Variants in RIOK1 observed in about 807,000 individuals in gnomAD.
RIOK1 encodes the protein RIO kinase 1.
In RIOK1, 66 loss-of-function variants were observed where a neutral mutation model predicts 73.5. The observed-to-expected ratio is 0.90, with a 90% confidence interval of 0.74 to 1.10. The LOEUF (loss-of-function observed/expected upper bound fraction) is 1.10, where lower values mean the gene tolerates loss of function less well. RIOK1 is among the 50% of genes least tolerant of loss of function. RIOK1 has a pLI of 0.00. For missense variants in RIOK1, 658 were observed against 699.8 expected (o/e 0.94, Z 0.67); for synonymous variants, 224 against 226.8 (o/e 0.99, Z 0.11).
intron 12 of RIOK1, among the ~76,000 whole-genome samples, chr6:7,407,409 GTTT>G (rs1266991297): frequency 6.6e-6 from 1 of 151,720 alleles, no homozygotes; most frequent in Non-Finnish European, 1.5e-5. Flanking sequence ...TTTGGTTTGT[GTTT>G]CCCTGATTAC....
Position 7,396,740 on chromosome 6 carries a change from C to A in RIOK1, c.405C>A (p.Val135=). The part of the protein sequence containing the change: ...LNVTDSVINK[V]TEKSRQKEAD... ...TTACTGATTCCGTCATAAATAAAGTCACCGAAAAGTCTAGACAAAAGGAAG... is the reference window on the plus strand; with the variant it reads ...TTACTGATTCCGTCATAAATAAAGTAACCGAAAAGTCTAGACAAAAGGAAG... Residue 135 remains valine (V), a synonymous_variant, in exon 4 of 17, where the codon GTC becomes GTA. Coordinates refer to ENST00000379834, the MANE Select transcript of RIOK1 (RefSeq NM_031480.3). The A allele has an allele frequency of 6.2e-7, 1 of 1,600,660 alleles. No individual in the cohort carries two copies. Among genetic ancestry groups the A allele is most frequent in the South Asian group, 1.1e-5 (1 of 90,032 alleles).
chr6:7,391,622 T>C lies in RIOK1; in HGVS notation c.72-1477T>C, dbSNP rs376238556. 8.7e-4 allele frequency among the ~76,000 whole-genome samples: 133 copies of C among 152,334 alleles called. 4 individuals carry two copies. In the South Asian group the frequency reaches 0.02, roughly 23 times the overall value. On this transcript the variant is annotated intron_variant, in intron 1 of 16. Coordinates refer to ENST00000379834, the MANE Select transcript of RIOK1 (RefSeq NM_031480.3). ...GTAAGGATACACCAGTGATTTTCCA[T>C]TGGGGAAGATGTTGCCATCCCGACT...
At chr6:7,398,340 T>C (rs1420064831) in intron 4 of RIOK1, among the ~76,000 whole-genome samples, 1 of 152,102 alleles carries the variant, frequency 6.6e-6, no homozygotes, top group Non-Finnish European at 1.5e-5. Flanking sequence ...AAGACTTTAA[T>C]TGTGTGCTAA....
intron 12 of RIOK1, among the ~76,000 whole-genome samples, chr6:7,407,776 G>A (rs760051762): frequency 6.6e-6 from 1 of 151,986 alleles, no homozygotes; most frequent in South Asian, 2.1e-4. Context: ...TTGCAGGCAT[G>A]AGCCACAGTG....
At chr6:7,395,834 C>CA (rs576258775) in intron 3 of RIOK1, among the ~76,000 whole-genome samples, 11 of 151,984 alleles carry the variant, frequency 7.2e-5, no homozygotes, top group Non-Finnish European at 1.3e-4. Context: ...CTTAGCCTCC[C>CA]AAGTAGCTAG....
intron 1 of RIOK1, 26 bp from the exon 2 acceptor site, chr6:7,393,072 GA>G (rs1251848710): frequency 6.3e-7 from 1 of 1,593,056 alleles, no homozygotes; most frequent in African/African-American, 1.3e-5. Flanking sequence ...ATATTGTTAT[GA>G]AATAATAAAA....
Position 7,417,479 on chromosome 6 carries a change from TC to T in RIOK1, c.*40del. ...ATTATGTACAGTCATTTTCCTCAGT[TC>T]CTTTTCTCGCCTGAACTCTTAAGCT... is the stretch of plus-strand genomic sequence containing the variant. On this transcript the variant is annotated 3_prime_UTR_variant, in exon 17 of 17. Coordinates refer to ENST00000379834, the MANE Select transcript of RIOK1 (RefSeq NM_031480.3). The T allele has an allele frequency of 2.3e-6, 3 of 1,316,594 alleles. No homozygotes were observed. The highest frequency in any genetic ancestry group is 3.1e-6 in the Non-Finnish European group (3 of 958,752). The allele number at this position is 1,316,594 out of a possible 1,614,324, so 81.6% of individuals were successfully genotyped here.
chr6:7,402,954 C>T, intron 8 of RIOK1, 57 bp downstream of exon 8: 1 of 1,494,140 alleles, frequency 6.7e-7, no homozygotes, highest in Non-Finnish European at 9.2e-7. Flanking sequence ...AACATCAGCC[C>T]TTCCTCCCAG....
At chr6:7,409,810 A>G (rs1247110405) in intron 12 of RIOK1, among the ~76,000 whole-genome samples, 1 of 151,968 alleles carries the variant, frequency 6.6e-6, no homozygotes, top group Admixed American at 6.6e-5. Flanking sequence ...AAAAAAAAAA[A>G]AAAAACCTCT....
chr6:7,394,001 A>T (rs1049174623), intron 2 of RIOK1, among the ~76,000 whole-genome samples: 1 of 152,250 alleles, frequency 6.6e-6, no homozygotes, highest in African/African-American at 2.4e-5. Flanking sequence ...ATGTACAAAA[A>T]AAAGTTACCA....
At chr6:7,399,619 T>A (rs937027080) in intron 5 of RIOK1, among the ~76,000 whole-genome samples, 1 of 152,098 alleles carries the variant, frequency 6.6e-6, no homozygotes, top group Admixed American at 6.6e-5. Flanking sequence ...GTGTGTAAAT[T>A]TATCATTTCT....
At chr6:7,391,495 AG>A (rs1253842839) in intron 1 of RIOK1, among the ~76,000 whole-genome samples, 27 of 152,208 alleles carry the variant, frequency 1.8e-4, no homozygotes, top group African/African-American at 5.8e-4. Flanking sequence ...GTGTACAAAA[AG>A]CTTTAGAGAA....
intron 15 of RIOK1, 100 bp from the exon 16 acceptor site, chr6:7,414,138 C>A: frequency 9.5e-7 from 1 of 1,048,798 alleles, no homozygotes; most frequent in Non-Finnish European, 1.4e-6. Flanking sequence ...CATATATTTG[C>A]GAGCCTAAAA....
Position 7,402,904 on chromosome 6 carries a change from G to C in RIOK1, c.767+7G>C, listed in dbSNP as rs1447297958. On this transcript the variant is annotated splice_region_variant and intron_variant, in intron 8 of 16. Coordinates refer to ENST00000379834, the MANE Select transcript of RIOK1 (RefSeq NM_031480.3). ...AAATGAGGAACTTAATCAGGTGACT[G>C]TCTGGGATGTGTGTATGTCTGTCCT... 1 of 1,611,940 alleles carries C rather than the reference G, an allele frequency of 6.2e-7. No homozygotes were observed. Among genetic ancestry groups the C allele is most frequent in the African/African-American group, 1.3e-5 (1 of 74,862 alleles).
At position 7,414,307 on chromosome 6, in the gene RIOK1, G is replaced by C. The variant is rs752260111; in HGVS notation, c.1513G>C (p.Glu505Gln). 6.2e-7 allele frequency: 1 copy of C among 1,613,866 alleles called. No homozygotes were observed. The highest frequency in any genetic ancestry group is 2.2e-5 in the East Asian group (1 of 44,892). ...TGATTCAGAAGATATTGGAAGCTCT[G>C]AGTGCTCTGACACAGACTCTGAAGA... ...CSDSEDIGSS[E>Q]CSDTDSEEQG... Residue 505 changes from glutamate to glutamine, a missense_variant, in exon 16 of 17, where the codon GAG (glutamate) becomes CAG (glutamine). By Grantham distance (29) the Glu-to-Gln change is conservative. Coordinates refer to ENST00000379834, the MANE Select transcript of RIOK1 (RefSeq NM_031480.3).
intron 2 of RIOK1, among the ~76,000 whole-genome samples, chr6:7,393,752 G>A (rs1214488376): frequency 6.6e-6 from 1 of 152,204 alleles, no homozygotes; most frequent in Non-Finnish European, 1.5e-5. Flanking sequence ...GCTGGTATGT[G>A]ATAAAAACTT....
chr6:7,404,357 G>A lies in RIOK1; in HGVS notation c.855-61G>A, dbSNP rs528739719. 1.3e-4 allele frequency: 203 copies of A among 1,584,802 alleles called. 2 individuals carry two copies. The South Asian group carries it at 2.1e-3, about 16-fold the overall frequency. ...TTGTAGAAGAGAAGGGCATGTAACA[G>A]TATAGTAAGAAGCAAGAAAACTTGT... On this transcript the variant is annotated intron_variant, in intron 9 of 16. Coordinates refer to ENST00000379834, the MANE Select transcript of RIOK1 (RefSeq NM_031480.3).
Position 7,392,839 on chromosome 6 carries a change from C to G in RIOK1, c.72-260C>G. ...ATAACAATATAATTTCTAACTTTAA[C>G]AAGGCAGAAGCAGATTTAACTTGAT... On this transcript the variant is annotated intron_variant, in intron 1 of 16. Transcript: ENST00000379834. 5 of 743,754 alleles carry G rather than the reference C, an allele frequency of 6.7e-6. No homozygotes were observed. The South Asian group carries it at 2.4e-4, about 36-fold the overall frequency. 46.1% of individuals were successfully genotyped at this position (743,754 alleles called of 1,614,324 possible). A position where few individuals can be genotyped will look rare whatever the true frequency, so the allele number is the denominator to read the frequency against.
intron 5 of RIOK1, 74 bp downstream of exon 5, chr6:7,398,814 T>G: frequency 1.5e-6 from 2 of 1,294,258 alleles, no homozygotes; most frequent in South Asian, 2.5e-5. Context: ...AGTTTGCTTT[T>G]ATCCTTTTTG....
Sources: allele counts gnomAD v4.1 joint callset (sites outside exome capture counted in the v4.1 genomes callset), GRCh38; gene constraint gnomAD v4.1.1; transcripts MANE v1.5; gene names NCBI Gene and HGNC (gene_info 2026-07-23, HGNC 2026-07-21).